DOCK1: variants seen among roughly 807,000 people sequenced by gnomAD.
DOCK1 encodes dedicator of cytokinesis 1.
A neutral mutation model predicts 262.7 loss-of-function variants in DOCK1; 138 were observed. That is an observed-to-expected ratio of 0.53 (90% CI 0.46 to 0.61). The LOEUF (loss-of-function observed/expected upper bound fraction) is 0.61, where lower values mean the gene tolerates loss of function less well. DOCK1 is among the 20% of genes least tolerant of loss of function. The probability of loss-of-function intolerance (pLI) is 0.00; values close to 1 mark genes in which losing one functional copy is unlikely to be tolerated. For synonymous variants in DOCK1, 866 were observed against 867.4 expected (o/e 1.00, Z 0.03); for missense variants, 1,908 against 2,370.7 (o/e 0.80, Z 4.05).
chr10:127,412,619 A>C (rs575047948), intron 43 of DOCK1, among the ~76,000 whole-genome samples: 1 of 152,020 alleles, frequency 6.6e-6, no homozygotes, highest in South Asian at 2.1e-4. Flanking sequence ...TTAACACCCT[A>C]CTCCTGACCA....
At chr10:127,360,933 A>G (rs2064389310) in intron 32 of DOCK1, among the ~76,000 whole-genome samples, 1 of 152,120 alleles carries the variant, frequency 6.6e-6, no homozygotes, top group Non-Finnish European at 1.5e-5. Flanking sequence ...TTACCGTGAA[A>G]ATTCAGTGAG....
intron 42 of DOCK1, 83 bp downstream of exon 42, chr10:127,409,474 A>G (rs1241657616): frequency 6.9e-7 from 1 of 1,456,936 alleles, no homozygotes; most frequent in African/African-American, 1.4e-5. Context: ...CACCTTTTAA[A>G]GGACGGACTT....
intron 25 of DOCK1, among the ~76,000 whole-genome samples, chr10:127,118,492 C>G (rs1225594342): frequency 1.3e-5 from 2 of 152,198 alleles, no homozygotes; most frequent in Non-Finnish European, 2.9e-5. Flanking sequence ...CCCCCACTGC[C>G]TTCCTTTAAA....
intron 35 of DOCK1, among the ~76,000 whole-genome samples, chr10:127,374,864 C>G (rs12571503): frequency 0.26 from 39,761 of 152,196 alleles, 5,541 homozygotes; most frequent in East Asian, 0.44. Context: ...AGGATCCCCC[C>G]CTAGAGCTTT....
Position 127,239,725 on chromosome 10 carries a change from G to A in DOCK1, c.2848-8283G>A, listed in dbSNP as rs80130897. 8.2e-3 allele frequency among the ~76,000 whole-genome samples: 1,241 copies of A among 152,102 alleles called. 18 individuals are homozygous for A. Among genetic ancestry groups the A allele is most frequent in the African/African-American group, 0.028 (1,177 of 41,520 alleles). ...TGTTTTCAGATCCTCTATATCATGC[G>A]ATAAGACTTCGAAAATTCTAAACTC... is the stretch of plus-strand genomic sequence containing the variant. On this transcript the variant is annotated intron_variant, in intron 27 of 51. Transcript: ENST00000623213.
intron 1 of DOCK1, among the ~76,000 whole-genome samples, chr10:126,949,152 T>A (rs2035939620): frequency 6.6e-6 from 1 of 152,040 alleles, no homozygotes; most frequent in African/African-American, 2.4e-5. Flanking sequence ...CCTCTGCACT[T>A]GTTTGCTGAT....
chr10:127,043,703 C>T (rs2044165773), intron 21 of DOCK1, among the ~76,000 whole-genome samples: 3 of 152,204 alleles, frequency 2.0e-5, no homozygotes, highest in African/African-American at 7.2e-5. Flanking sequence ...ACACCAGAGG[C>T]TATGCATGGT....
At chr10:127,147,322 G>C (rs550110219) in intron 27 of DOCK1, among the ~76,000 whole-genome samples, 7 of 152,278 alleles carry the variant, frequency 4.6e-5, no homozygotes, top group African/African-American at 1.7e-4. Context: ...GTTCCTGCCA[G>C]TTGTTCCTAA....
intron 29 of DOCK1, among the ~76,000 whole-genome samples, chr10:127,326,307 G>A (rs898188055): frequency 6.6e-6 from 1 of 152,174 alleles, no homozygotes; most frequent in African/African-American, 2.4e-5. Context: ...TTTTCACATG[G>A]GAGTCAATCT....
chr10:126,941,394 ACTT>A (rs1454956805), intron 1 of DOCK1, among the ~76,000 whole-genome samples: 3 of 108,976 alleles, frequency 2.8e-5, no homozygotes, highest in Non-Finnish European at 7.2e-5. Flanking sequence ...GCTAGTTTTA[ACTT>A]TAGTCTTTTA....
intron 48 of DOCK1, among the ~76,000 whole-genome samples, chr10:127,435,701 G>C (rs537714438): frequency 7.0e-4 from 106 of 152,244 alleles, no homozygotes; most frequent in Middle Eastern, 3.4e-3. Flanking sequence ...TGTGAGCTCA[G>C]GCTGCTGGCT....
chr10:127,400,654 C>T (rs1218862325), intron 38 of DOCK1, among the ~76,000 whole-genome samples: 1 of 152,196 alleles, frequency 6.6e-6, no homozygotes. Flanking sequence ...GATTGGAGGC[C>T]TTAAACCGGA....
intron 22 of DOCK1, among the ~76,000 whole-genome samples, chr10:127,059,411 T>C (rs939451380): frequency 1.3e-5 from 2 of 152,196 alleles, no homozygotes; most frequent in African/African-American, 4.8e-5. Flanking sequence ...TCTTCCTCCT[T>C]TTCTCCTGGC....
At position 127,385,504 on chromosome 10, in the gene DOCK1, G is replaced by T. The variant is rs571188296; in HGVS notation, c.3927+595G>T. 8.6e-5 allele frequency among the ~76,000 whole-genome samples: 13 copies of T among 151,754 alleles called. No homozygotes were observed. In the South Asian group the frequency reaches 2.5e-3, roughly 29 times the overall value. On this transcript the variant is annotated intron_variant, in intron 38 of 51. Transcript: ENST00000623213. Reference sequence around the variant, plus strand: ...AAGTGACATTGGAACTCCTTCTTTGGTTTCATCAAGATTCCTAACTCATTT... The same window carrying T: ...AAGTGACATTGGAACTCCTTCTTTGTTTTCATCAAGATTCCTAACTCATTT...
At chr10:126,989,309 A>G (rs1356459550) in intron 5 of DOCK1, among the ~76,000 whole-genome samples, 1 of 152,070 alleles carries the variant, frequency 6.6e-6, no homozygotes, top group East Asian at 1.9e-4. Context: ...TAAAGGGACC[A>G]TGACATTTAG....
At position 127,052,751 on chromosome 10, in the gene DOCK1, A is replaced by C; in HGVS notation, c.2272A>C (p.Lys758Gln). 6.2e-7 allele frequency: 1 copy of C among 1,613,970 alleles called. No homozygotes were observed. The highest frequency in any genetic ancestry group is 1.3e-5 in the African/African-American group (1 of 75,040). Reference protein sequence around the residue: ...EKPGVNEQLYKAMKALESIFK... With the variant: ...EKPGVNEQLYQAMKALESIFK... ...GCCGGGAGTAAATGAGCAGCTGTAC[A>C]AAGCCATGAAAGCGCTAGAATCCAT... The change falls in exon 22 of 52, where the codon AAA (lysine) becomes CAA (glutamine). Residue 758 changes from lysine to glutamine, a missense_variant. Transcript: ENST00000623213.
At chr10:127,161,298 G>A (rs2053572871) in intron 27 of DOCK1, among the ~76,000 whole-genome samples, 1 of 152,150 alleles carries the variant, frequency 6.6e-6, no homozygotes, top group Non-Finnish European at 1.5e-5. Context: ...AGAATATGAA[G>A]TTGATTTTCA....
At chr10:127,085,332 A>T (rs2047132367) in intron 23 of DOCK1, among the ~76,000 whole-genome samples, 1 of 152,230 alleles carries the variant, frequency 6.6e-6, no homozygotes, top group Non-Finnish European at 1.5e-5. Flanking sequence ...CAGGGGGTAC[A>T]GGTGGCAGTA....
At chr10:127,310,320 C>T (rs1004343213) in intron 29 of DOCK1, among the ~76,000 whole-genome samples, 8 of 150,468 alleles carry the variant, frequency 5.3e-5, no homozygotes, top group African/African-American at 1.7e-4. Flanking sequence ...ATGAAGCAGC[C>T]GAGCCATCAT....
Sources: gnomAD v4.1 joint callset for allele counts (sites outside exome capture counted in the v4.1 genomes callset) on GRCh38, gnomAD v4.1.1 for gene constraint, MANE v1.5 for transcripts, NCBI Gene and HGNC (gene_info 2026-07-23, HGNC 2026-07-21) for gene names.